HERC2: variants seen among roughly 807,000 people sequenced by gnomAD.
HERC2 encodes the protein HECT and RLD domain containing E3 ubiquitin protein ligase 2, also known as E3 ubiquitin-protein ligase HERC2.
In HERC2, 102 loss-of-function variants were observed where a neutral mutation model predicts 537.7. The observed-to-expected ratio is 0.19, with a 90% CI of 0.16 to 0.22. The LOEUF is 0.22. HERC2 is among the 10% of genes least tolerant of loss of function. The pLI, the probability that HERC2 is intolerant of heterozygous loss-of-function variation, is 1.00. For missense variants in HERC2, 4,236 were observed against 6,198.2 expected (o/e 0.68, Z 10.63); for synonymous variants, 2,224 against 2,466.2 (o/e 0.90, Z 2.91).
chr15:28,168,301 G>T, intron 67 of HERC2, 106 bp downstream of exon 67: 2 of 1,085,722 alleles, frequency 1.8e-6, no homozygotes, highest in Non-Finnish European at 2.7e-6. Flanking sequence ...AATCTAAGCG[G>T]GAGGCACAGA....
At chr15:28,305,733 G>A (rs1478789502) in intron 2 of HERC2, among the ~76,000 whole-genome samples, 1 of 139,726 alleles carries the variant, frequency 7.2e-6, no homozygotes, top group Non-Finnish European at 1.6e-5. Context: ...CCATCAGAGT[G>A]AACAGGCAAC....
chr15:28,266,105 T>C (rs1596350735), intron 12 of HERC2, 131 bp from the exon 13 acceptor site: 1 of 955,014 alleles, frequency 1.0e-6, no homozygotes, highest in East Asian at 2.6e-5. Context: ...TCCAGGTACC[T>C]TGTGAAAGAA....
chr15:28,256,739 C>T (rs2075274192), intron 17 of HERC2, among the ~76,000 whole-genome samples: 1 of 152,112 alleles, frequency 6.6e-6, no homozygotes, highest in South Asian at 2.1e-4. Context: ...GAACTACAGG[C>T]GCCCGCCACC....
chr15:28,289,436 G>A (rs2076251831), intron 4 of HERC2, among the ~76,000 whole-genome samples: 2 of 152,166 alleles, frequency 1.3e-5, no homozygotes, highest in South Asian at 4.1e-4. Context: ...AAAACCTGCA[G>A]AGCTGAGAGA....
At chr15:28,116,528 T>A (rs1202185188) in intron 88 of HERC2, 137 bp downstream of exon 88, 20 of 966,690 alleles carry the variant, frequency 2.1e-5, no homozygotes, top group Non-Finnish European at 2.3e-5. Flanking sequence ...TAAAAGTCAT[T>A]TTTATTGGTA....
chr15:28,113,631 G>C lies in HERC2; in HGVS notation c.13961C>G (p.Ala4654Gly). Residue 4654 changes from alanine to glycine, a missense_variant, in exon 91 of 93, where the codon GCC becomes GGC. By Grantham distance (60) the Ala-to-Gly change is moderately conservative. Around this residue, in one of 27 missense-constraint regions of HERC2, gnomAD observed 313 missense variants for 462.6 expected, o/e 0.68. Transcript: ENST00000261609. This position sits in a 1 kb window ranked among gnomAD's most constrained non-coding sequence, Gnocchi z 7.0. ...GAGGAGGGGAACAGGCACAACGCGG[G>C]CCATTCCTTCCCGAACAGCAGCCAC... ...EQVAAVREGMARVVPVPLLSL... is the reference protein window; with the variant it reads ...EQVAAVREGMGRVVPVPLLSL... 1 of 1,614,194 alleles carries C rather than the reference G, an allele frequency of 6.2e-7. No individual in the cohort carries two copies. The highest frequency in any genetic ancestry group is 1.1e-5 in the South Asian group (1 of 91,086).
chr15:28,290,302 CT>C (rs112826053), intron 4 of HERC2, among the ~76,000 whole-genome samples: 16 of 147,944 alleles, frequency 1.1e-4, no homozygotes, highest in African/African-American at 2.0e-4. Flanking sequence ...GCAAAACACA[CT>C]TTTTTTTTTT....
Position 28,113,697 on chromosome 15 carries a change from T to C in HERC2, c.13914-19A>G. On this transcript the variant is annotated intron_variant, in intron 90 of 92. Coordinates refer to ENST00000261609, the MANE Select transcript of HERC2 (RefSeq NM_004667.6). This position sits in a 1 kb window ranked among gnomAD's most constrained non-coding sequence, Gnocchi z 7.0. ...ATGGAGTCTGGAAGAAAAAGCTCAC[T>C]TTACACTTCTGTCTTCAGTGACACT... is the stretch of plus-strand genomic sequence containing the variant. 1 of 1,594,996 alleles carries C rather than the reference T, an allele frequency of 6.3e-7. No homozygotes were observed. Among genetic ancestry groups the C allele is most frequent in the East Asian group, 2.2e-5 (1 of 44,768 alleles).
Position 28,228,235 on chromosome 15 carries a change from G to A in HERC2, c.5447C>T (p.Thr1816Met), listed in dbSNP as rs756933047. ...LNSGMLALTQ[T>M]ALRLIGPSCD... is the part of the protein sequence containing the mutation. ...AGACCTACCAATCAGGCGCAGTGCC[G>A]TCTGCGTGAGGGCCAGCATGCCGGA... Residue 1816 changes from threonine (T) to methionine (M), a missense_variant, in exon 35 of 93, where the codon ACG becomes ATG. Around this residue, in one of 27 missense-constraint regions of HERC2, gnomAD observed 343 missense variants for 417.2 expected, o/e 0.82. Transcript: ENST00000261609. 8.1e-6 allele frequency: 13 copies of A among 1,613,490 alleles called. No homozygotes were observed. The highest frequency in any genetic ancestry group is 1.7e-4 in the Middle Eastern group (1 of 6,018).
Position 28,176,105 on chromosome 15 carries a change from C to T in HERC2, c.9686+323G>A, listed in dbSNP as rs1895266017. 6.6e-6 allele frequency among the ~76,000 whole-genome samples: 1 copy of T among 152,178 alleles called. No homozygotes were observed. The highest frequency in any genetic ancestry group is 1.9e-4 in the East Asian group (1 of 5,192). ...AAACACATGTTAACTTTTTCAGGAT[C>T]AAAGGATTCAGAAGGCTATTTTGCT... On this transcript the variant is annotated intron_variant, in intron 63 of 92. Transcript: ENST00000261609. This position sits in a 1 kb window ranked among gnomAD's most constrained non-coding sequence, Gnocchi z 5.0.
At position 28,308,212 on chromosome 15, in the gene HERC2, T is replaced by A. The variant is rs74849607; in HGVS notation, c.73-8696A>T. On this transcript the variant is annotated intron_variant, in intron 2 of 92. Transcript: ENST00000261609. ...ATGAAATATTTTTCCATCTTTTGTG[T>A]CTTCTTTAATGTCTTTCATCAGCGT... Among the ~76,000 whole-genome samples, 68 of 152,334 alleles carry A rather than the reference T, an allele frequency of 4.5e-4. No individual in the cohort carries two copies. In the East Asian group the frequency reaches 0.011, roughly 24 times the overall value.
At chr15:28,215,226 A>C (rs1159365567) in intron 39 of HERC2, among the ~76,000 whole-genome samples, 1 of 152,164 alleles carries the variant, frequency 6.6e-6, no homozygotes, top group African/African-American at 2.4e-5. Context: ...GAAAATTTTG[A>C]GATTCATTAT....
Position 28,260,847 on chromosome 15 carries a change from T to C in HERC2, c.2246A>G (p.Lys749Arg). 6.2e-7 allele frequency: 1 copy of C among 1,614,232 alleles called. No homozygotes were observed. The highest frequency in any genetic ancestry group is 8.5e-7 in the Non-Finnish European group (1 of 1,180,048). The change falls in exon 16 of 93, where the codon AAG (lysine) becomes AGG (arginine). Residue 749 changes from lysine (K) to arginine (R), a missense_variant. Transcript: ENST00000261609. ...CQHFDTLRVT[K>R]PEPAALPGLD... ...TCCTGGCAATGCTGCAGGTTCTGGC[T>C]TGGTCACGCGCAAGGTGTCAAAGTG...
At chr15:28,205,891 A>C (rs1898391846) in intron 45 of HERC2, among the ~76,000 whole-genome samples, 1 of 147,768 alleles carries the variant, frequency 6.8e-6, no homozygotes, top group African/African-American at 2.5e-5. Flanking sequence ...TGAGTGAATG[A>C]AACAAACGGC....
chr15:28,228,046 G>A (rs539395410), intron 35 of HERC2, among the ~76,000 whole-genome samples, 172 bp downstream of exon 35: 8 of 151,058 alleles, frequency 5.3e-5, no homozygotes, highest in Admixed American at 1.3e-4. Context: ...CTAGAAAATC[G>A]TAAATGTATT....
chr15:28,135,953 C>A (rs546707505), intron 78 of HERC2, among the ~76,000 whole-genome samples: 1 of 152,228 alleles, frequency 6.6e-6, no homozygotes, highest in South Asian at 2.1e-4. Context: ...GGAAGCTCTT[C>A]CATTTTTGTG....
Position 28,142,383 on chromosome 15 carries a change from G to C in HERC2, c.11555C>G (p.Ala3852Gly). 1 of 1,613,322 alleles carries C rather than the reference G, an allele frequency of 6.2e-7. No homozygotes were observed. The highest frequency in any genetic ancestry group is 8.5e-7 in the Non-Finnish European group (1 of 1,179,630). ...LHSPFFKVLVALACDLELDTL... is the reference protein window; with the variant it reads ...LHSPFFKVLVGLACDLELDTL... ...GTCCAGCTCCAGGTCACAAGCAAGA[G>C]CTACCAGTACCTGCAGGCACCAAAA... Residue 3852 changes from alanine (A) to glycine (G), a missense_variant, in exon 76 of 93, where the codon GCT becomes GGT. Physicochemically the swap from Ala to Gly is moderately conservative, Grantham distance 60 (BLOSUM62 0). Transcript: ENST00000261609.
In HERC2 at chr15:28,114,833, C is replaced by T. The variant is rs372583299; in HGVS notation, c.13723-31G>A. ...AAGGAGAAAAAGAAAGCCCATGTGTCGACTCACGGCTCATCTCCATCCCAG... is the reference window on the plus strand; with the variant it reads ...AAGGAGAAAAAGAAAGCCCATGTGTTGACTCACGGCTCATCTCCATCCCAG... On this transcript the variant is annotated intron_variant, in intron 89 of 92. Transcript: ENST00000261609. 71 of 1,588,188 alleles carry T rather than the reference C, an allele frequency of 4.5e-5. No homozygotes were observed. In the African/African-American group the frequency reaches 6.2e-4, roughly 14 times the overall value.
intron 70 of HERC2, among the ~76,000 whole-genome samples, chr15:28,151,626 C>T (rs950729138): frequency 6.6e-6 from 1 of 152,100 alleles, no homozygotes; most frequent in Non-Finnish European, 1.5e-5. Context: ...CTGGACGCTA[C>T]TGAAGACTAC....
Sources: gnomAD v4.1 joint callset for allele counts (sites outside exome capture counted in the v4.1 genomes callset) on GRCh38, gnomAD v4.1.1 for gene constraint, gnomAD v4.1.1 regional missense constraint, Gnocchi (gnomAD v3.1) non-coding constraint, MANE v1.5 for transcripts, NCBI Gene and HGNC (gene_info 2026-07-23, HGNC 2026-07-21) for gene names.